Variants in CYB5R4 observed in about 807,000 individuals in gnomAD.
The protein encoded by CYB5R4 is cytochrome b5 reductase 4, also known as N-terminal cytochrome b5 and cytochrome b5 oxidoreductase domain-containing protein.
Under a neutral mutation model 70.2 loss-of-function variants are expected in CYB5R4, and 55 were observed. The observed-to-expected ratio is 0.78, with a 90% CI of 0.63 to 0.98. The LOEUF is 0.98. Ranked by LOEUF, CYB5R4 falls within the 50% of genes least tolerant of loss-of-function variation. CYB5R4 has a pLI of 0.00. For synonymous variants in CYB5R4, 197 were observed against 199.5 expected (o/e 0.99, Z 0.11); for missense variants, 562 against 612.6 (o/e 0.92, Z 0.87).
chr6:83,956,192 G>T (rs2099472399), intron 15 of CYB5R4, among the ~76,000 whole-genome samples: 1 of 152,178 alleles, frequency 6.6e-6, no homozygotes, highest in African/African-American at 2.4e-5. Flanking sequence ...TTTATTCTGA[G>T]CCAAATATAG....
intron 3 of CYB5R4, among the ~76,000 whole-genome samples, chr6:83,895,117 GTTCCCA>G (rs1436366056): frequency 6.6e-6 from 1 of 152,158 alleles, no homozygotes. Flanking sequence ...TTTAAGGCAA[GTTCCCA>G]TTGTTATTTG....
chr6:83,895,402 G>A (rs553553154), intron 3 of CYB5R4, among the ~76,000 whole-genome samples: 24 of 152,240 alleles, frequency 1.6e-4, no homozygotes, highest in Non-Finnish European at 3.4e-4. Context: ...TTGGCCTTAA[G>A]TACTCTGCCT....
Position 83,962,358 on chromosome 6 carries a change from T to C in CYB5R4, c.*2480T>C, listed in dbSNP as rs1199665820. The C allele has an allele frequency of 6.6e-6, 1 of 152,106 alleles. No individual in the cohort carries two copies. The highest frequency in any genetic ancestry group is 1.5e-5 in the Non-Finnish European group (1 of 68,020). 9.4% of individuals were successfully genotyped at this position (152,106 alleles called of 1,614,324 possible). On this transcript the variant is annotated 3_prime_UTR_variant, in exon 16 of 16. Transcript: ENST00000369681. ...CAGTCTTCCAATGAATGCAACCAAA[T>C]ACTGAGGAGCACAGATAGGAGTATA...
intron 7 of CYB5R4, among the ~76,000 whole-genome samples, chr6:83,920,537 G>A (rs1224062987): frequency 6.6e-6 from 1 of 152,028 alleles, no homozygotes; most frequent in East Asian, 1.9e-4. Flanking sequence ...GTGGAATAAT[G>A]TATTCATTGA....
At chr6:83,910,327 G>A in intron 4 of CYB5R4, 2 of 584,014 alleles carry the variant, frequency 3.4e-6, no homozygotes, top group Non-Finnish European at 3.0e-6. Context: ...GAGACTAACT[G>A]ATAGGGGAGA....
chr6:83,868,405 A>G (rs1234801425), intron 2 of CYB5R4, among the ~76,000 whole-genome samples: 1 of 152,156 alleles, frequency 6.6e-6, no homozygotes, highest in Non-Finnish European at 1.5e-5. Context: ...TGCCGAGCCT[A>G]GTCACATACC....
intron 4 of CYB5R4, among the ~76,000 whole-genome samples, chr6:83,911,597 G>A (rs544443205): frequency 6.6e-6 from 1 of 152,106 alleles, no homozygotes; most frequent in East Asian, 1.9e-4. Context: ...TTTCTTCAAG[G>A]ACTCCTGACA....
chr6:83,934,548 T>C, intron 10 of CYB5R4, 47 bp from the exon 11 acceptor site: 1 of 1,417,458 alleles, frequency 7.1e-7, no homozygotes, highest in Non-Finnish European at 9.8e-7. Context: ...TTAGTATTAC[T>C]TCTTATTACT....
chr6:83,865,123 A>C (rs778755746), intron 2 of CYB5R4, among the ~76,000 whole-genome samples: 7 of 152,204 alleles, frequency 4.6e-5, no homozygotes, highest in Non-Finnish European at 8.8e-5. Flanking sequence ...ACTGCACTAT[A>C]ACCTATATGA....
chr6:83,861,247 C>T (rs2099455886), intron 1 of CYB5R4, among the ~76,000 whole-genome samples: 1 of 152,056 alleles, frequency 6.6e-6, no homozygotes, highest in African/African-American at 2.4e-5. Context: ...AGTTTTTGGT[C>T]CAAAAAGAGA....
intron 3 of CYB5R4, among the ~76,000 whole-genome samples, chr6:83,899,380 A>G (rs2129135478): frequency 6.6e-6 from 1 of 152,250 alleles, no homozygotes; most frequent in South Asian, 2.1e-4. Context: ...CATTTTATTG[A>G]GGATTTTTGC....
chr6:83,924,620 T>C, intron 10 of CYB5R4, 28 bp downstream of exon 10: 1 of 1,604,698 alleles, frequency 6.2e-7, no homozygotes, highest in Non-Finnish European at 8.5e-7. Flanking sequence ...GTTACGTTAA[T>C]TTCACATTCA....
At chr6:83,941,576 G>A (rs1000799486) in intron 14 of CYB5R4, among the ~76,000 whole-genome samples, 7 of 152,236 alleles carry the variant, frequency 4.6e-5, no homozygotes, top group African/African-American at 1.4e-4. Flanking sequence ...AATATTTTCT[G>A]AATGTCCATA....
chr6:83,949,868 C>G (rs950307223), intron 14 of CYB5R4, among the ~76,000 whole-genome samples: 1 of 152,184 alleles, frequency 6.6e-6, no homozygotes, highest in African/African-American at 2.4e-5. Flanking sequence ...ACCTACACCA[C>G]AGAATCATTT....
At chr6:83,865,826 G>A (rs1047967595) in intron 2 of CYB5R4, among the ~76,000 whole-genome samples, 7 of 152,144 alleles carry the variant, frequency 4.6e-5, no homozygotes, top group African/African-American at 4.8e-5. Context: ...AGGTGATGAC[G>A]TAGTTTATAT....
chr6:83,865,489 C>A (rs1648077933), intron 2 of CYB5R4, among the ~76,000 whole-genome samples: 1 of 152,112 alleles, frequency 6.6e-6, no homozygotes, highest in African/African-American at 2.4e-5. Flanking sequence ...GGTTTGCTGG[C>A]AATCTTTGGA....
At chr6:83,916,193 A>G (rs1398651903) in intron 5 of CYB5R4, among the ~76,000 whole-genome samples, 1 of 152,096 alleles carries the variant, frequency 6.6e-6, no homozygotes, top group Non-Finnish European at 1.5e-5. Flanking sequence ...GGACCATTTC[A>G]TTGCTATTAA....
rs570313733 is a variant in CYB5R4 at position 83,882,577 on chromosome 6, T to C, written c.230-10945T>C. On this transcript the variant is annotated intron_variant, in intron 2 of 15. Coordinates refer to ENST00000369681, the MANE Select transcript of CYB5R4 (RefSeq NM_016230.4). ...GAATATAATCCAAAGTTACTAGATA[T>C]ACTCAAGAGAAAAGGCAGTTATTGG... Among the ~76,000 whole-genome samples the C allele has an allele frequency of 2.0e-5, 3 of 152,304 alleles. No individual in the cohort carries two copies. The East Asian group carries it at 5.8e-4, about 29-fold the overall frequency.
Position 83,959,979 on chromosome 6 carries a change from A to G in CYB5R4, c.*101A>G. The G allele has an allele frequency of 1.2e-6, 1 of 851,818 alleles. No individual in the cohort carries two copies. The highest frequency in any genetic ancestry group is 1.7e-6 in the Non-Finnish European group (1 of 575,810). 52.8% of individuals were successfully genotyped at this position (851,818 alleles called of 1,614,324 possible). ...TTTTGTACATAACAAAAGGTTAACT[A>G]GAATCCAGCCTTCAGTTTCTTAAAT... On this transcript the variant is annotated 3_prime_UTR_variant, in exon 16 of 16. Transcript: ENST00000369681.
Sources: gnomAD v4.1 joint callset for allele counts (sites outside exome capture counted in the v4.1 genomes callset) on GRCh38, gnomAD v4.1.1 for gene constraint, MANE v1.5 for transcripts, NCBI Gene and HGNC (gene_info 2026-07-23, HGNC 2026-07-21) for gene names.